The following CRTAC1 variants were observed in gnomAD, a reference collection of about 807,000 sequenced individuals.
The protein encoded by CRTAC1 is acidic secreted protein in cartilage.
CRTAC1 carries 37 observed loss-of-function variants against 67.8 expected under a neutral mutation model. The observed-to-expected ratio is 0.55, with a 90% CI of 0.42 to 0.72. CRTAC1 has a LOEUF of 0.72. Among genes scored for constraint, CRTAC1 ranks in the 30% least tolerant of loss-of-function variants. The pLI is 0.00. For synonymous variants in CRTAC1, 348 were observed against 371.0 expected, an observed-to-expected ratio of 0.94 and a Z score of 0.71; for missense variants, 780 against 931.6, an observed-to-expected ratio of 0.84 and a Z score of 2.12.
intron 2 of CRTAC1, among the ~76,000 whole-genome samples, chr10:97,950,246 C>CAGAGAGAGAGAGAGAGAG (rs71007371): frequency 5.3e-5 from 6 of 113,380 alleles, no homozygotes; most frequent in Non-Finnish European, 1.0e-4. Flanking sequence ...CACACACACA[C>CAGAGAGAGAGAGAGAGAG]AGAGAGAGAG....
intron 2 of CRTAC1, among the ~76,000 whole-genome samples, chr10:97,951,914 T>C (rs1004197853): frequency 5.9e-5 from 9 of 152,150 alleles, no homozygotes; most frequent in African/African-American, 2.2e-4. Context: ...ATCCCAGATC[T>C]CTGAATCAGA....
chr10:98,005,748 A>T (rs1245553171), intron 2 of CRTAC1, among the ~76,000 whole-genome samples: 1 of 151,976 alleles, frequency 6.6e-6, no homozygotes, highest in Non-Finnish European at 1.5e-5. Flanking sequence ...AATCATGGAT[A>T]AATGTGTCTT....
intron 2 of CRTAC1, among the ~76,000 whole-genome samples, chr10:97,940,513 C>T (rs1322751854): frequency 1.3e-5 from 2 of 152,234 alleles, no homozygotes; most frequent in African/African-American, 4.8e-5. Flanking sequence ...GTGATGGGCT[C>T]AGTGGCAACT....
intron 2 of CRTAC1, among the ~76,000 whole-genome samples, chr10:98,001,206 T>G (rs1196882392): frequency 6.6e-6 from 1 of 152,162 alleles, no homozygotes; most frequent in Non-Finnish European, 1.5e-5. Context: ...ACCGCCATAG[T>G]AGGATATTAC....
At chr10:97,893,082 TC>T (rs2050400362) in intron 11 of CRTAC1, among the ~76,000 whole-genome samples, 1 of 152,206 alleles carries the variant, frequency 6.6e-6, no homozygotes, top group Admixed American at 6.5e-5. Context: ...TCTTCAGTTT[TC>T]CCATGTGTAA....
intron 3 of CRTAC1, among the ~76,000 whole-genome samples, chr10:97,923,881 G>A (rs894430559): frequency 6.6e-6 from 1 of 152,224 alleles, no homozygotes; most frequent in African/African-American, 2.4e-5. Context: ...GTAGGTCTCA[G>A]TCCACCCTGA....
chr10:97,999,093 G>T (rs182855007), intron 2 of CRTAC1, among the ~76,000 whole-genome samples: 4 of 152,346 alleles, frequency 2.6e-5, no homozygotes, highest in Admixed American at 2.0e-4. Flanking sequence ...AGGTGCAGCT[G>T]CAGGCCCAGG....
intron 2 of CRTAC1, among the ~76,000 whole-genome samples, chr10:97,941,534 C>T (rs932931785): frequency 2.6e-5 from 4 of 152,150 alleles, no homozygotes; most frequent in African/African-American, 9.7e-5. Flanking sequence ...AGAACATGTT[C>T]AAAGTGGAGC....
chr10:97,875,994 A>C (rs2050143043), intron 14 of CRTAC1: 1 of 152,186 alleles, frequency 6.6e-6, no homozygotes, highest in African/African-American at 2.4e-5. Flanking sequence ...GGGACTCTCG[A>C]CATTAGCAAG....
intron 2 of CRTAC1, among the ~76,000 whole-genome samples, chr10:97,941,896 G>A (rs537602391): frequency 3.0e-4 from 46 of 152,196 alleles, no homozygotes; most frequent in Middle Eastern, 3.4e-3. Context: ...GATCACTCCT[G>A]GCCTTGGAGC....
intron 11 of CRTAC1, among the ~76,000 whole-genome samples, chr10:97,890,804 A>G (rs1483865251): frequency 6.6e-6 from 1 of 151,730 alleles, no homozygotes; most frequent in Non-Finnish European, 1.5e-5. Flanking sequence ...AGTAGCTGGG[A>G]TTACAGGCAT....
intron 11 of CRTAC1, among the ~76,000 whole-genome samples, chr10:97,891,270 T>C (rs74153115): frequency 0.039 from 6,007 of 152,266 alleles, 397 homozygotes; most frequent in African/African-American, 0.13. Flanking sequence ...CTATAATCAA[T>C]ATACATTGTT....
At chr10:97,992,739 A>T (rs1409176679) in intron 2 of CRTAC1, among the ~76,000 whole-genome samples, 1 of 152,242 alleles carries the variant, frequency 6.6e-6, no homozygotes, top group Non-Finnish European at 1.5e-5. Flanking sequence ...AATCTAAAAA[A>T]GTTGAATTTA....
intron 7 of CRTAC1, among the ~76,000 whole-genome samples, chr10:97,903,941 C>T (rs1260189322): frequency 1.3e-5 from 2 of 152,076 alleles, no homozygotes; most frequent in African/African-American, 2.4e-5. Flanking sequence ...CTTCAATCTT[C>T]CATTCTCTCC....
At chr10:97,974,498 G>T (rs1168732418) in intron 2 of CRTAC1, among the ~76,000 whole-genome samples, 1 of 152,186 alleles carries the variant, frequency 6.6e-6, no homozygotes, top group Non-Finnish European at 1.5e-5. Context: ...TCCAGGACTG[G>T]CAAGTCAGCC....
intron 2 of CRTAC1, among the ~76,000 whole-genome samples, chr10:97,983,179 C>A (rs946804515): frequency 6.6e-6 from 1 of 152,166 alleles, no homozygotes; most frequent in Non-Finnish European, 1.5e-5. Context: ...GAAAGCCCAC[C>A]AGTAGACTCT....
intron 3 of CRTAC1, among the ~76,000 whole-genome samples, chr10:97,933,474 G>A (rs774463081): frequency 6.6e-6 from 1 of 152,236 alleles, no homozygotes; most frequent in Non-Finnish European, 1.5e-5. Flanking sequence ...GTTCTTCCTG[G>A]GATTTATTTA....
intron 2 of CRTAC1, among the ~76,000 whole-genome samples, chr10:97,940,750 G>A (rs898142372): frequency 6.6e-6 from 1 of 152,202 alleles, no homozygotes; most frequent in Non-Finnish European, 1.5e-5. Flanking sequence ...CTGGAACAGG[G>A]GGCTGCTGCA....
At chr10:98,027,327 G>T (rs1294602004) in intron 1 of CRTAC1, among the ~76,000 whole-genome samples, 5 of 152,152 alleles carry the variant, frequency 3.3e-5, no homozygotes, top group Non-Finnish European at 1.5e-5. Flanking sequence ...CCAAACATAA[G>T]GATTTGGCAA....
Sources: gnomAD v4.1 joint callset for allele counts (sites outside exome capture counted in the v4.1 genomes callset) on GRCh38, gnomAD v4.1.1 for gene constraint, MANE v1.5 for transcripts, NCBI Gene and HGNC (gene_info 2026-07-23, HGNC 2026-07-21) for gene names.